TNS1: variants seen among roughly 807,000 people sequenced by gnomAD.
TNS1 encodes tensin 1.
In TNS1, 62 loss-of-function variants were observed where a neutral mutation model predicts 168.6. That is an observed-to-expected ratio of 0.37 (90% CI 0.30 to 0.45). The LOEUF is 0.45. TNS1 is among the 20% of genes least tolerant of loss of function. The pLI is 1.00. For missense variants in TNS1, 2,240 were observed against 2,339.4 expected, an observed-to-expected ratio of 0.96 and a Z score of 0.88; for synonymous variants, 934 against 933.2, an observed-to-expected ratio of 1.00 and a Z score of -0.02.
chr2:217,921,255 C>T (rs997850786), intron 3 of TNS1, among the ~76,000 whole-genome samples: 7 of 152,210 alleles, frequency 4.6e-5, no homozygotes, highest in African/African-American at 1.7e-4. Context: ...AAGGGGCCCA[C>T]AGTGGGCACA....
intron 3 of TNS1, among the ~76,000 whole-genome samples, chr2:217,931,776 G>A (rs575188259): frequency 1.3e-5 from 2 of 152,246 alleles, no homozygotes; most frequent in East Asian, 3.9e-4. Flanking sequence ...TGTACACATC[G>A]ATCCTAAGGT....
intron 22 of TNS1, among the ~76,000 whole-genome samples, chr2:217,828,198 T>G (rs574197035): frequency 3.2e-4 from 48 of 152,284 alleles, no homozygotes; most frequent in African/African-American, 1.1e-3. Context: ...GAGGGAAGCA[T>G]GCTGTGGCCC....
At chr2:217,895,114 A>G in intron 8 of TNS1, 58 bp from the exon 9 acceptor site, 6 of 1,522,716 alleles carry the variant, frequency 3.9e-6, no homozygotes, top group Non-Finnish European at 5.4e-6. Context: ...GGCGGCGAGG[A>G]GAGAGAGAAC....
intron 18 of TNS1, among the ~76,000 whole-genome samples, chr2:217,855,163 C>A (rs954588069): frequency 5.9e-5 from 9 of 152,194 alleles, no homozygotes; most frequent in African/African-American, 2.2e-4. Context: ...AAATGTCAGA[C>A]CTTTTCCCAA....
chr2:217,896,534 A>C (rs1355405387), intron 8 of TNS1, among the ~76,000 whole-genome samples: 1 of 152,238 alleles, frequency 6.6e-6, no homozygotes, highest in Admixed American at 6.5e-5. Flanking sequence ...CAAGCTAGGA[A>C]AAGGCAAGAA....
intron 2 of TNS1, among the ~76,000 whole-genome samples, chr2:217,979,528 G>GACACACACACACACACACACACAC (rs35499293): frequency 2.5e-4 from 36 of 146,776 alleles, no homozygotes; most frequent in African/African-American, 7.0e-4. Flanking sequence ...GAAACACACA[G>GACACACACACACACACACACACAC]ACACACACAC....
intron 25 of TNS1, chr2:217,814,163 C>T: frequency 5.7e-6 from 1 of 175,932 alleles, no homozygotes; most frequent in Non-Finnish European, 1.2e-5. Flanking sequence ...TCAGTGTGTG[C>T]CATTTTGCCT....
chr2:217,842,279 A>G, intron 19 of TNS1: 1 of 556,414 alleles, frequency 1.8e-6, no homozygotes, highest in East Asian at 3.0e-5. Context: ...CTCCTGACTC[A>G]TTTATCCAAC....
chr2:217,908,482 C>T (rs1050687749), intron 4 of TNS1, among the ~76,000 whole-genome samples: 5 of 152,156 alleles, frequency 3.3e-5, no homozygotes, highest in Admixed American at 6.5e-5. Flanking sequence ...CCATGTGTCT[C>T]GGCACAAGAG....
chr2:217,830,252 C>T, intron 22 of TNS1: 1 of 1,368,418 alleles, frequency 7.3e-7, no homozygotes, highest in Non-Finnish European at 1.0e-6. Flanking sequence ...CCCCCAGCCC[C>T]CTTCTACTGA....
intron 1 of TNS1, among the ~76,000 whole-genome samples, chr2:218,016,382 G>T (rs1378687575): frequency 1.3e-5 from 2 of 152,100 alleles, no homozygotes; most frequent in Non-Finnish European, 2.9e-5. Context: ...GGATTATCAG[G>T]TCCCCGCCCA....
chr2:217,988,579 G>T lies in TNS1; in HGVS notation c.148+2363C>A, dbSNP rs561991559. Among the ~76,000 whole-genome samples the T allele has an allele frequency of 1.5e-4, 23 of 152,320 alleles. No homozygotes were observed. The Middle Eastern group carries it at 0.014, about 90-fold the overall frequency. ...AATTTATGCATCTTCGCAGGGCAGG[G>T]TGTGGGGCTGTTATGCAAACAAAAT... On this transcript the variant is annotated intron_variant, in intron 2 of 32. Coordinates refer to ENST00000682258, the MANE Select transcript of TNS1 (RefSeq NM_001387777.1).
chr2:217,975,948 G>A (rs546932650), intron 3 of TNS1, among the ~76,000 whole-genome samples: 7 of 152,124 alleles, frequency 4.6e-5, no homozygotes, highest in African/African-American at 7.2e-5. Flanking sequence ...ATCCAATCGC[G>A]TCCCTCCAGC....
At chr2:217,877,920 G>C (rs1191590294) in intron 18 of TNS1, among the ~76,000 whole-genome samples, 1 of 152,174 alleles carries the variant, frequency 6.6e-6, no homozygotes, top group Non-Finnish European at 1.5e-5. Context: ...AAGTCTCCTG[G>C]TGGGCTCCAG....
chr2:217,848,630 T>G lies in TNS1; in HGVS notation c.1887A>C (p.Glu629Asp), dbSNP rs1406345149. Residue 629 changes from glutamate (E) to aspartate (D), a missense_variant, in exon 19 of 33, where the codon GAA becomes GAC. By Grantham distance (45) the Glu-to-Asp change is conservative. Transcript: ENST00000682258. ...SERETDILDD[E>D]LPNQDGHSAG... ...CACTGTGACCATCCTGGTTTGGCAA[T>G]TCATCGTCCAGGATGTCTGTCTCCC... is the stretch of plus-strand genomic sequence containing the variant. The G allele has an allele frequency of 6.2e-7, 1 of 1,614,150 alleles. No homozygotes were observed. Among genetic ancestry groups the G allele is most frequent in the Admixed American group, 1.7e-5 (1 of 60,022 alleles).
At chr2:217,935,958 T>C (rs1956584298) in intron 3 of TNS1, among the ~76,000 whole-genome samples, 2 of 152,188 alleles carry the variant, frequency 1.3e-5, no homozygotes, top group African/African-American at 4.8e-5. Flanking sequence ...CACTGCCTCA[T>C]GAGAGGTCAT....
chr2:217,938,927 G>T (rs1041269360), intron 3 of TNS1, among the ~76,000 whole-genome samples: 3 of 152,010 alleles, frequency 2.0e-5, no homozygotes, highest in Non-Finnish European at 2.9e-5. Flanking sequence ...TCTGATGTTA[G>T]GACCTCTTAA....
intron 3 of TNS1, among the ~76,000 whole-genome samples, chr2:217,928,177 C>T (rs1350179279): frequency 6.6e-6 from 1 of 152,200 alleles, no homozygotes; most frequent in Non-Finnish European, 1.5e-5. Context: ...AATGCCAAGG[C>T]CATGGAGGGA....
chr2:217,842,830 C>G (rs1181324421), intron 19 of TNS1, among the ~76,000 whole-genome samples: 1 of 152,220 alleles, frequency 6.6e-6, no homozygotes, highest in East Asian at 1.9e-4. Flanking sequence ...GCCTCGGGGC[C>G]TCTGCACTTG....
Sources: gnomAD v4.1 joint callset for allele counts (sites outside exome capture counted in the v4.1 genomes callset) on GRCh38, gnomAD v4.1.1 for gene constraint, MANE v1.5 for transcripts, NCBI Gene and HGNC (gene_info 2026-07-23, HGNC 2026-07-21) for gene names.